MLLT3: variants seen among roughly 807,000 people sequenced by gnomAD.
MLLT3 encodes the protein protein AF-9.
Under a neutral mutation model 53.2 loss-of-function variants are expected in MLLT3, and 4 were observed. The ratio of observed to expected loss-of-function variants is 0.08; its 90% CI spans 0.04 to 0.17. MLLT3 has a LOEUF of 0.17. Ranked by LOEUF, MLLT3 falls within the 10% of genes least tolerant of loss-of-function variation. The pLI is 1.00. For synonymous variants in MLLT3, 283 were observed against 230.6 expected (o/e 1.23, Z -2.06); for missense variants, 569 against 684.0 (o/e 0.83, Z 1.87).
intron 2 of MLLT3, among the ~76,000 whole-genome samples, chr9:20,541,886 A>C (rs1011138519): frequency 2.0e-5 from 3 of 152,122 alleles, no homozygotes; most frequent in Non-Finnish European, 4.4e-5. Flanking sequence ...TCCTCCACTG[A>C]AGTCTTCAAC....
intron 2 of MLLT3, among the ~76,000 whole-genome samples, chr9:20,600,727 CA>C (rs1180426544): frequency 6.6e-6 from 1 of 152,180 alleles, no homozygotes; most frequent in Non-Finnish European, 1.5e-5. Flanking sequence ...ACTGCCTGAA[CA>C]CCCAATTATC....
At chr9:20,365,418 C>G (rs1261290145) in intron 6 of MLLT3, among the ~76,000 whole-genome samples, 1 of 152,164 alleles carries the variant, frequency 6.6e-6, no homozygotes, top group Non-Finnish European at 1.5e-5. Context: ...CAGCTCACTG[C>G]AACTTCCGCC....
chr9:20,550,419 C>CTG (rs60452994), intron 2 of MLLT3, among the ~76,000 whole-genome samples: 4,381 of 152,040 alleles, frequency 0.029, 218 homozygotes, highest in African/African-American at 0.098. Context: ...ATTCGTTTCA[C>CTG]TGTGTGTGTG....
intron 2 of MLLT3, among the ~76,000 whole-genome samples, chr9:20,580,201 C>T (rs1411077865): frequency 6.6e-6 from 1 of 152,132 alleles, no homozygotes; most frequent in African/African-American, 2.4e-5. Flanking sequence ...TTTACTCTTT[C>T]TTCCTTGGGA....
chr9:20,366,640 A>G (rs545121115), intron 5 of MLLT3, among the ~76,000 whole-genome samples: 1 of 152,302 alleles, frequency 6.6e-6, no homozygotes, highest in Admixed American at 6.5e-5. Flanking sequence ...CAATGGTTGA[A>G]CTAATTTACA....
intron 10 of MLLT3, among the ~76,000 whole-genome samples, chr9:20,347,214 C>T (rs185848243): frequency 5.3e-5 from 8 of 152,052 alleles, no homozygotes; most frequent in African/African-American, 1.7e-4. Context: ...GTGCTAGTTA[C>T]ATAAGATGTT....
At chr9:20,612,140 A>T (rs958680822) in intron 2 of MLLT3, among the ~76,000 whole-genome samples, 1 of 152,200 alleles carries the variant, frequency 6.6e-6, no homozygotes, top group African/African-American at 2.4e-5. Context: ...TCAATGTTTT[A>T]AAAGTAAACA....
At chr9:20,532,403 A>G (rs1383401510) in intron 2 of MLLT3, 4 of 160,040 alleles carry the variant, frequency 2.5e-5, no homozygotes, top group Non-Finnish European at 5.5e-5. Flanking sequence ...CCAAAATGTA[A>G]TATGTTCATA....
At chr9:20,514,937 CAATTT>C (rs1817867412) in intron 2 of MLLT3, among the ~76,000 whole-genome samples, 1 of 133,890 alleles carries the variant, frequency 7.5e-6, no homozygotes, top group Non-Finnish European at 1.6e-5. Flanking sequence ...CTTGAAGGAA[CAATTT>C]TTTTTTTTTT....
intron 4 of MLLT3, among the ~76,000 whole-genome samples, chr9:20,436,041 G>A (rs1342603643): frequency 1.3e-5 from 2 of 151,970 alleles, no homozygotes; most frequent in Admixed American, 6.6e-5. Context: ...TACCCTGAGC[G>A]GAAAATCTTT....
chr9:20,393,657 G>C (rs906436670), intron 5 of MLLT3, among the ~76,000 whole-genome samples: 1 of 152,150 alleles, frequency 6.6e-6, no homozygotes, highest in Non-Finnish European at 1.5e-5. Flanking sequence ...TACTCCAACA[G>C]CTATGCCTTA....
chr9:20,358,415 T>C (rs1041414524), intron 8 of MLLT3, among the ~76,000 whole-genome samples: 1 of 152,208 alleles, frequency 6.6e-6, no homozygotes, highest in Non-Finnish European at 1.5e-5. Flanking sequence ...ATGATTCACA[T>C]GTGTGAAGCA....
rs370105425 is a variant in MLLT3, at chr9:20,620,364, C to T, written c.193+290G>A. Among the ~76,000 whole-genome samples the T allele has an allele frequency of 5.8e-4, 88 of 152,032 alleles. 2 individuals are homozygous for T. In the East Asian group the frequency reaches 7.0e-3, roughly 12 times the overall value. The stretch of plus-strand genomic sequence containing the variant: ...AACTCAACAACTAATTGCACCTTCC[C>T]CACAGAACCCGCGGCTAACCCCAGA... On this transcript the variant is annotated intron_variant, in intron 2 of 10. Coordinates refer to ENST00000380338, the MANE Select transcript of MLLT3 (RefSeq NM_004529.4). This position sits in a 1 kb window ranked among gnomAD's most constrained non-coding sequence, Gnocchi z 6.1.
chr9:20,468,332 T>C (rs1343833070), intron 2 of MLLT3, among the ~76,000 whole-genome samples: 3 of 152,214 alleles, frequency 2.0e-5, no homozygotes, highest in Non-Finnish European at 4.4e-5. Context: ...TTTGCTGTCA[T>C]AGCTCCTTGA....
chr9:20,392,831 T>C (rs1822220982), intron 5 of MLLT3, among the ~76,000 whole-genome samples: 1 of 152,142 alleles, frequency 6.6e-6, no homozygotes, highest in South Asian at 2.1e-4. Context: ...TACAAATCCA[T>C]CCATCTCAAG....
intron 2 of MLLT3, among the ~76,000 whole-genome samples, chr9:20,561,578 A>T (rs562802433): frequency 6.6e-6 from 1 of 152,298 alleles, no homozygotes; most frequent in Non-Finnish European, 1.5e-5. Flanking sequence ...AGTTGTCTTT[A>T]AAGTCCAAGG....
At chr9:20,484,869 T>G (rs964246438) in intron 2 of MLLT3, among the ~76,000 whole-genome samples, 1 of 152,206 alleles carries the variant, frequency 6.6e-6, no homozygotes, top group Non-Finnish European at 1.5e-5. Flanking sequence ...TAACCACATT[T>G]TGAACGCAGT....
intron 5 of MLLT3, among the ~76,000 whole-genome samples, chr9:20,385,288 G>A (rs576455976): frequency 5.8e-4 from 88 of 152,150 alleles, no homozygotes; most frequent in African/African-American, 1.7e-3. Flanking sequence ...AGTATTATTT[G>A]AAAGAGAAGG....
At chr9:20,451,134 A>C (rs993152912) in intron 3 of MLLT3, among the ~76,000 whole-genome samples, 5 of 152,170 alleles carry the variant, frequency 3.3e-5, no homozygotes, top group African/African-American at 1.2e-4. Context: ...CATATTGCTA[A>C]CTGAATTAAA....
Sources: gnomAD v4.1 joint callset for allele counts (sites outside exome capture counted in the v4.1 genomes callset) on GRCh38, gnomAD v4.1.1 for gene constraint, Gnocchi (gnomAD v3.1) non-coding constraint, MANE v1.5 for transcripts, NCBI Gene and HGNC (gene_info 2026-07-23, HGNC 2026-07-21) for gene names.